Variants in SLC39A12 observed in about 807,000 individuals in gnomAD.
SLC39A12 encodes the protein zinc transporter ZIP12.
A neutral mutation model predicts 71.1 loss-of-function variants in SLC39A12; 63 were observed. That is an observed-to-expected ratio of 0.89 (90% CI 0.72 to 1.09). The LOEUF (loss-of-function observed/expected upper bound fraction) is 1.09, where lower values mean the gene tolerates loss of function less well. SLC39A12 is among the 50% of genes least tolerant of loss of function. The pLI is 0.00. For missense variants in SLC39A12, 892 were observed against 812.6 expected (o/e 1.10, Z -1.19); for synonymous variants, 351 against 301.3 (o/e 1.16, Z -1.71).
At chr10:17,992,812 T>C (rs1025324298) in intron 8 of SLC39A12, among the ~76,000 whole-genome samples, 4 of 152,238 alleles carry the variant, frequency 2.6e-5, no homozygotes, top group Non-Finnish European at 4.4e-5. Flanking sequence ...ACGTATGTTT[T>C]AGGAACTGCA....
intron 12 of SLC39A12, among the ~76,000 whole-genome samples, chr10:18,015,152 A>G (rs947584864): frequency 6.6e-6 from 1 of 152,202 alleles, no homozygotes; most frequent in Non-Finnish European, 1.5e-5. Context: ...GCATGGATAA[A>G]GGATTTTACA....
intron 8 of SLC39A12, among the ~76,000 whole-genome samples, chr10:17,992,915 A>G (rs1835590860): frequency 6.6e-6 from 1 of 152,220 alleles, no homozygotes. Flanking sequence ...CGGTATCTCC[A>G]TCAGAAAGAA....
chr10:17,953,982 T>TG (rs1834475682), intron 2 of SLC39A12, among the ~76,000 whole-genome samples: 1 of 152,222 alleles, frequency 6.6e-6, no homozygotes, highest in African/African-American at 2.4e-5. Context: ...TCTAATATTA[T>TG]GCATGGCGGG....
Position 17,979,979 on chromosome 10 carries a change from T to A in SLC39A12, c.925-1333T>A, listed in dbSNP as rs1835210826. ...CAAACTGTGAAAGGAAGTAGATATATGCAGAGGGAAAAAGAAAAAAGAAAA... is the reference window on the plus strand; with the variant it reads ...CAAACTGTGAAAGGAAGTAGATATAAGCAGAGGGAAAAAGAAAAAAGAAAA... On this transcript the variant is annotated intron_variant, in intron 5 of 12. Coordinates refer to ENST00000377369, the MANE Select transcript of SLC39A12 (RefSeq NM_001145195.2). 1.3e-5 allele frequency among the ~76,000 whole-genome samples: 2 copies of A among 152,008 alleles called. 1 individual carries two copies. Among genetic ancestry groups the A allele is most frequent in the South Asian group, 4.1e-4 (2 of 4,820 alleles).
intron 2 of SLC39A12, among the ~76,000 whole-genome samples, chr10:17,958,778 CATTA>C (rs1804373708): frequency 6.6e-6 from 1 of 152,128 alleles, no homozygotes; most frequent in Admixed American, 6.5e-5. Context: ...CAAATGTATC[CATTA>C]ATTCATTGTG....
At chr10:18,042,590 G>C (rs1452957148) in intron 12 of SLC39A12, 115 bp from the exon 13 acceptor site, 1 of 1,007,258 alleles carries the variant, frequency 9.9e-7, no homozygotes, top group Non-Finnish European at 1.4e-6. Context: ...TAACTGTTTT[G>C]GGAATTTTAA....
At chr10:18,001,769 A>G (rs942281375) in intron 11 of SLC39A12, 8 of 152,232 alleles carry the variant, frequency 5.3e-5, no homozygotes, top group Non-Finnish European at 2.9e-5. Context: ...TAAGAATCAT[A>G]TCATGCAAAA....
At chr10:17,984,226 A>G (rs1029201702) in intron 6 of SLC39A12, among the ~76,000 whole-genome samples, 3 of 152,208 alleles carry the variant, frequency 2.0e-5, no homozygotes, top group African/African-American at 7.2e-5. Context: ...CAGATATTTT[A>G]TGGTTTTGAG....
intron 10 of SLC39A12, among the ~76,000 whole-genome samples, chr10:17,999,576 C>T (rs1835776480): frequency 6.6e-6 from 1 of 152,168 alleles, no homozygotes; most frequent in Admixed American, 6.5e-5. Flanking sequence ...AACAGAAGTT[C>T]TGTCCATTAA....
chr10:18,015,563 G>A (rs1836352838), intron 12 of SLC39A12, among the ~76,000 whole-genome samples: 1 of 152,004 alleles, frequency 6.6e-6, no homozygotes. Flanking sequence ...ACTGTGAAAA[G>A]GCACAGTCTA....
At chr10:17,963,002 A>C (rs1834730746) in intron 3 of SLC39A12, among the ~76,000 whole-genome samples, 1 of 152,132 alleles carries the variant, frequency 6.6e-6, no homozygotes, top group Non-Finnish European at 1.5e-5. Context: ...CGAAAATAGA[A>C]TTTAAAAAAT....
chr10:18,017,422 C>T (rs1386605852), intron 12 of SLC39A12, among the ~76,000 whole-genome samples: 2 of 152,160 alleles, frequency 1.3e-5, no homozygotes, highest in Non-Finnish European at 2.9e-5. Flanking sequence ...AATTCTCCTG[C>T]CTCAGCCTCC....
intron 7 of SLC39A12, among the ~76,000 whole-genome samples, chr10:17,990,486 G>A (rs1342347353): frequency 6.6e-6 from 1 of 152,022 alleles, no homozygotes; most frequent in Non-Finnish European, 1.5e-5. Context: ...TAAGAGAAGG[G>A]ATATGGTATA....
chr10:17,961,974 T>C, intron 3 of SLC39A12, 112 bp downstream of exon 3: 2 of 1,127,258 alleles, frequency 1.8e-6, no homozygotes, highest in Non-Finnish European at 2.5e-6. Context: ...GGGAGGTAAG[T>C]ATTTGTGGGT....
At position 18,042,043 on chromosome 10, in the gene SLC39A12, A is replaced by T. The variant is rs537397398; in HGVS notation, c.1948-662A>T. On this transcript the variant is annotated intron_variant, in intron 12 of 12. Transcript: ENST00000377369. ...TAATATGTATATATGCCTTACATCAACCTGTGCATATAGTAGTTCTATAAG... is the reference window on the plus strand; with the variant it reads ...TAATATGTATATATGCCTTACATCATCCTGTGCATATAGTAGTTCTATAAG... Among the ~76,000 whole-genome samples the T allele has an allele frequency of 5.4e-4, 82 of 151,874 alleles. No homozygotes were observed. The South Asian group carries it at 0.017, about 31-fold the overall frequency.
chr10:18,027,437 C>T (rs532435849), intron 12 of SLC39A12, among the ~76,000 whole-genome samples: 1 of 152,334 alleles, frequency 6.6e-6, no homozygotes, highest in East Asian at 1.9e-4. Flanking sequence ...TCCCTCTCCT[C>T]CTACCAGAAG....
At chr10:17,992,029 C>T (rs1470825983) in intron 8 of SLC39A12, among the ~76,000 whole-genome samples, 3 of 135,154 alleles carry the variant, frequency 2.2e-5, no homozygotes, top group African/African-American at 5.6e-5. Context: ...GTAGAGGTTG[C>T]AGTGAGCCGA....
chr10:17,968,698 A>T (rs1183017960), intron 4 of SLC39A12, among the ~76,000 whole-genome samples: 2 of 152,096 alleles, frequency 1.3e-5, no homozygotes, highest in Non-Finnish European at 2.9e-5. Flanking sequence ...TTTATGGGGT[A>T]CATAAAATGT....
chr10:17,967,728 C>CA (rs201969870), intron 4 of SLC39A12, among the ~76,000 whole-genome samples: 58 of 148,870 alleles, frequency 3.9e-4, no homozygotes, highest in African/African-American at 7.6e-4. Flanking sequence ...CTAAAAAATA[C>CA]AAAAAAAAAT....
Sources: allele counts gnomAD v4.1 joint callset (sites outside exome capture counted in the v4.1 genomes callset), GRCh38; gene constraint gnomAD v4.1.1; transcripts MANE v1.5; gene names NCBI Gene and HGNC (gene_info 2026-07-23, HGNC 2026-07-21).